NHLRC2: variants seen among roughly 807,000 people sequenced by gnomAD.
NHLRC2 encodes NHL repeat-containing protein 2.
Under a neutral mutation model 68.1 loss-of-function variants are expected in NHLRC2, and 33 were observed. The observed-to-expected ratio is 0.48, with a 90% CI of 0.37 to 0.65. The LOEUF is 0.65. Ranked by LOEUF, NHLRC2 falls within the 30% of genes least tolerant of loss-of-function variation. The probability of loss-of-function intolerance (pLI) is 0.00; values close to 1 mark genes in which losing one functional copy is unlikely to be tolerated. For synonymous variants in NHLRC2, 311 were observed against 309.6 expected (o/e 1.00, Z -0.05); for missense variants, 761 against 853.8 (o/e 0.89, Z 1.35).
Position 113,901,915 on chromosome 10 carries a change from T to TG in NHLRC2, c.1371+19dup. On this transcript the variant is annotated intron_variant, in intron 7 of 10. Transcript: ENST00000369301. ...ACCCCATGGTAATGACAGTCACTCT[T>TG]GCACAGTGCGCTCGGACACTGAGCA... 6.5e-7 allele frequency: 1 copy of TG among 1,528,894 alleles called. No homozygotes were observed. The highest frequency in any genetic ancestry group is 1.4e-5 in the African/African-American group (1 of 73,250). The allele number at this position is 1,528,894 out of a possible 1,614,324, so 94.7% of individuals were successfully genotyped here.
chr10:113,908,008 C>T (rs1846291184), intron 10 of NHLRC2, among the ~76,000 whole-genome samples: 1 of 152,008 alleles, frequency 6.6e-6, no homozygotes, highest in Non-Finnish European at 1.5e-5. Flanking sequence ...CAATATTCAG[C>T]TTGATTTTAA....
chr10:113,899,937 TTG>T (rs747509582), intron 6 of NHLRC2, among the ~76,000 whole-genome samples: 1 of 151,698 alleles, frequency 6.6e-6, no homozygotes, highest in Non-Finnish European at 1.5e-5. Flanking sequence ...AAAATTGAAA[TTG>T]TTCCTTATAT....
chr10:113,862,288 A>G (rs562785903), intron 2 of NHLRC2, among the ~76,000 whole-genome samples: 1 of 152,280 alleles, frequency 6.6e-6, no homozygotes, highest in Admixed American at 6.5e-5. Context: ...ACTGAAAGGG[A>G]TGGGATGGAG....
intron 1 of NHLRC2, among the ~76,000 whole-genome samples, chr10:113,855,880 A>G (rs1845751268): frequency 6.6e-6 from 1 of 152,174 alleles, no homozygotes; most frequent in Admixed American, 6.5e-5. Flanking sequence ...TCTATATCCC[A>G]GTGAGGTGCT....
At position 113,910,563 on chromosome 10, in the gene NHLRC2, G is replaced by A. The variant is rs911854036; in HGVS notation, c.*2027G>A. 1 of 152,096 alleles carries A rather than the reference G, an allele frequency of 6.6e-6. No individual in the cohort carries two copies. Among genetic ancestry groups the A allele is most frequent in the African/African-American group, 2.4e-5 (1 of 41,418 alleles). The allele number at this position is 152,096 out of a possible 1,614,324, so 9.4% of individuals were successfully genotyped here. On this transcript the variant is annotated 3_prime_UTR_variant, in exon 11 of 11. Coordinates refer to ENST00000369301, the MANE Select transcript of NHLRC2 (RefSeq NM_198514.4). ...ATGTTTCTCATTTCTAGATGGACAG[G>A]ATGAGAATATTTTGGCCCAATCATT...
chr10:113,896,856 T>A (rs1379200775), intron 5 of NHLRC2, among the ~76,000 whole-genome samples: 1 of 151,836 alleles, frequency 6.6e-6, no homozygotes, highest in Non-Finnish European at 1.5e-5. Flanking sequence ...TAGCCGGGCA[T>A]GGTGGCGGGT....
chr10:113,916,151 G>A lies in NHLRC2; in HGVS notation c.*7615G>A, dbSNP rs925073434. The A allele has an allele frequency of 6.6e-6, 1 of 152,202 alleles. No homozygotes were observed. Among genetic ancestry groups the A allele is most frequent in the African/African-American group, 2.4e-5 (1 of 41,450 alleles). The allele number at this position is 152,202 out of a possible 1,614,324, so 9.4% of individuals were successfully genotyped here. ...GGAAATATATTCATTCTTTGAGCAT[G>A]TACAGGGTGGGCTCCCTGTTGTATT... On this transcript the variant is annotated 3_prime_UTR_variant, in exon 11 of 11. Transcript: ENST00000369301.
rs543623744 is a variant in NHLRC2, at chr10:113,878,420, A to G, written c.788-1154A>G. Among the ~76,000 whole-genome samples, 5 of 152,346 alleles carry G rather than the reference A, an allele frequency of 3.3e-5. No individual in the cohort carries two copies. In the South Asian group the frequency reaches 1.0e-3, roughly 32 times the overall value. ...CCTGCACAATGCTATGAGTTAGGTAATTAGTTCCATTTTACAGAAGTAAAA... is the reference window on the plus strand; with the variant it reads ...CCTGCACAATGCTATGAGTTAGGTAGTTAGTTCCATTTTACAGAAGTAAAA... On this transcript the variant is annotated intron_variant, in intron 3 of 10. Coordinates refer to ENST00000369301, the MANE Select transcript of NHLRC2 (RefSeq NM_198514.4).
At position 113,912,229 on chromosome 10, in the gene NHLRC2, C is replaced by T. The variant is rs1015689730; in HGVS notation, c.*3693C>T. 1 of 152,108 alleles carries T rather than the reference C, an allele frequency of 6.6e-6. No homozygotes were observed. The highest frequency in any genetic ancestry group is 6.5e-5 in the Admixed American group (1 of 15,272). 9.4% of individuals were successfully genotyped at this position (152,108 alleles called of 1,614,324 possible). A position where few individuals can be genotyped will look rare whatever the true frequency, so the allele number is the denominator to read the frequency against. On this transcript the variant is annotated 3_prime_UTR_variant, in exon 11 of 11. Coordinates refer to ENST00000369301, the MANE Select transcript of NHLRC2 (RefSeq NM_198514.4). ...CATATTCAATGAAATATTGTGTGTA[C>T]AGCACTTAGTAATTAATGAAACTGG...
intron 5 of NHLRC2, among the ~76,000 whole-genome samples, chr10:113,888,340 T>G (rs1846101175): frequency 6.6e-6 from 1 of 152,198 alleles, no homozygotes; most frequent in African/African-American, 2.4e-5. Flanking sequence ...AAAATGTTGG[T>G]ATATTCATAG....
chr10:113,867,129 T>A (rs1845875066), intron 2 of NHLRC2, among the ~76,000 whole-genome samples: 2 of 152,232 alleles, frequency 1.3e-5, no homozygotes, highest in Admixed American at 1.3e-4. Flanking sequence ...AGCTGTATTG[T>A]TTGTACAAAC....
intron 4 of NHLRC2, among the ~76,000 whole-genome samples, chr10:113,883,220 A>G (rs1846051409): frequency 6.6e-6 from 1 of 151,876 alleles, no homozygotes; most frequent in Non-Finnish European, 1.5e-5. Context: ...TTTCTTATGT[A>G]AACATATTGT....
At chr10:113,874,470 G>A (rs1290548441) in intron 2 of NHLRC2, among the ~76,000 whole-genome samples, 1 of 150,810 alleles carries the variant, frequency 6.6e-6, no homozygotes, top group Non-Finnish European at 1.5e-5. Flanking sequence ...GTGTGTGTGT[G>A]TGTGTGTGTG....
intron 6 of NHLRC2, among the ~76,000 whole-genome samples, chr10:113,900,120 T>C (rs1238665250): frequency 1.3e-5 from 2 of 152,132 alleles, no homozygotes; most frequent in Non-Finnish European, 1.5e-5. Context: ...ACACTGTGCC[T>C]TGTGAGTACT....
At chr10:113,876,481 A>C (rs1283899346) in intron 2 of NHLRC2, 40 bp from the exon 3 acceptor site, 7 of 1,176,192 alleles carry the variant, frequency 6.0e-6, no homozygotes, top group African/African-American at 1.6e-5. Context: ...TTCAAACTTA[A>C]ATATTTAATA....
chr10:113,856,803 T>C (rs998422114), intron 1 of NHLRC2, among the ~76,000 whole-genome samples: 3 of 152,266 alleles, frequency 2.0e-5, no homozygotes, highest in Non-Finnish European at 4.4e-5. Flanking sequence ...TTGGTTTCTT[T>C]AGCAGTAAAC....
chr10:113,894,103 T>C (rs568902359), intron 5 of NHLRC2, among the ~76,000 whole-genome samples: 1 of 152,248 alleles, frequency 6.6e-6, no homozygotes, highest in East Asian at 1.9e-4. Context: ...CCTACATAAT[T>C]TGCTGATGGA....
intron 2 of NHLRC2, among the ~76,000 whole-genome samples, chr10:113,871,107 G>A (rs910550145): frequency 7.2e-6 from 1 of 138,156 alleles, no homozygotes; most frequent in Non-Finnish European, 1.5e-5. Context: ...TCACCGCAAC[G>A]TTTGCCTCTC....
At chr10:113,893,426 G>T (rs191412921) in intron 5 of NHLRC2, among the ~76,000 whole-genome samples, 1 of 152,260 alleles carries the variant, frequency 6.6e-6, no homozygotes, top group East Asian at 1.9e-4. Flanking sequence ...TTTGAAGCTG[G>T]CTTTTTATAA....
Sources: allele counts gnomAD v4.1 joint callset (sites outside exome capture counted in the v4.1 genomes callset), GRCh38; gene constraint gnomAD v4.1.1; transcripts MANE v1.5; gene names NCBI Gene and HGNC (gene_info 2026-07-23, HGNC 2026-07-21).